The following PCNX2 variants were observed in gnomAD, a reference collection of about 807,000 sequenced individuals.
PCNX2 encodes the protein pecanex-like protein 2.
PCNX2 carries 168 observed loss-of-function variants against 223.8 expected under a neutral mutation model. The ratio of observed to expected loss-of-function variants is 0.75; its 90% CI spans 0.66 to 0.85. The LOEUF is 0.85. Among genes scored for constraint, PCNX2 ranks in the 40% least tolerant of loss-of-function variants. The pLI is 0.00. For missense variants in PCNX2, 2,507 were observed against 2,675.5 expected (o/e 0.94, Z 1.39); for synonymous variants, 1,006 against 1,052.6 (o/e 0.96, Z 0.86).
At position 233,095,926 on chromosome 1, in the gene PCNX2, G is replaced by A. The variant is rs141539698; in HGVS notation, c.3838-63C>T. 95 of 1,237,620 alleles carry A rather than the reference G, an allele frequency of 7.7e-5. No individual in the cohort carries two copies. In the East Asian group the frequency reaches 2.3e-3, roughly 31 times the overall value. 76.7% of individuals were successfully genotyped at this position (1,237,620 alleles called of 1,614,324 possible). A position where few individuals can be genotyped will look rare whatever the true frequency, so the allele number is the denominator to read the frequency against. ...ATGACAACAGTGGTAACTGCATCAA[G>A]GTCACTTAAAGGACATTTGTCAAGG... is the stretch of plus-strand genomic sequence containing the variant. On this transcript the variant is annotated intron_variant, in intron 21 of 33. Coordinates refer to ENST00000258229, the MANE Select transcript of PCNX2 (RefSeq NM_014801.4).
At chr1:233,150,235 G>C (rs1677716999) in intron 19 of PCNX2, among the ~76,000 whole-genome samples, 1 of 152,202 alleles carries the variant, frequency 6.6e-6, no homozygotes, top group Non-Finnish European at 1.5e-5. Flanking sequence ...AACAAAGTCT[G>C]AGGAGAAGCT....
chr1:233,190,593 C>A (rs114236527), intron 15 of PCNX2, among the ~76,000 whole-genome samples: 1,977 of 152,146 alleles, frequency 0.013, 21 homozygotes, highest in South Asian at 0.038. Flanking sequence ...TGCAAATGAT[C>A]GTTGTTCTAT....
At chr1:233,183,143 T>C (rs1460864141) in intron 15 of PCNX2, among the ~76,000 whole-genome samples, 1 of 152,186 alleles carries the variant, frequency 6.6e-6, no homozygotes, top group Non-Finnish European at 1.5e-5. Flanking sequence ...TTATCCATGT[T>C]AGAAAAGACA....
At chr1:233,178,341 CAA>C (rs1209474536) in intron 16 of PCNX2, among the ~76,000 whole-genome samples, 1 of 152,202 alleles carries the variant, frequency 6.6e-6, no homozygotes, top group Non-Finnish European at 1.5e-5. Context: ...CTCTGGTCTT[CAA>C]AGAGTTACGG....
At position 233,263,183 on chromosome 1, in the gene PCNX2, G is replaced by C; in HGVS notation, c.154-20C>G. 1 of 1,537,038 alleles carries C rather than the reference G, an allele frequency of 6.5e-7. No homozygotes were observed. The highest frequency in any genetic ancestry group is 8.8e-7 in the Non-Finnish European group (1 of 1,135,674). On this transcript the variant is annotated intron_variant, in intron 1 of 33. Coordinates refer to ENST00000258229, the MANE Select transcript of PCNX2 (RefSeq NM_014801.4). The stretch of plus-strand genomic sequence containing the variant: ...AAAAGCCTGAAGAAAGGAAAAGACA[G>C]AGAAAAATCATTTGCTTTTAAGATT...
At chr1:233,016,785 T>A in intron 27 of PCNX2, 136 bp downstream of exon 27, 2 of 1,427,358 alleles carry the variant, frequency 1.4e-6, no homozygotes, top group Non-Finnish European at 1.8e-6. Context: ...TCAATAAACA[T>A]CTGTCCAAAT....
At chr1:233,308,360 G>A in the PCNX2 span, among the ~76,000 whole-genome samples, 1 of 152,160 alleles carries the variant, frequency 6.6e-6, no homozygotes, top group East Asian at 1.9e-4. Flanking sequence ...TTGGAAGGCT[G>A]AGTCAGGAGA....
chr1:233,241,092 G>A (rs1658734787), intron 8 of PCNX2: 2 of 814,958 alleles, frequency 2.5e-6, no homozygotes, highest in African/African-American at 1.9e-5. Flanking sequence ...TCAACATGTA[G>A]GATGTTTAAC....
chr1:233,261,425 T>C, intron 3 of PCNX2, 104 bp from the exon 4 acceptor site: 1 of 1,036,094 alleles, frequency 9.7e-7, no homozygotes, highest in Non-Finnish European at 1.5e-6. Context: ...CTAAATGGCA[T>C]GTAGGGGAGA....
chr1:233,040,201 T>A (rs1671594921), intron 25 of PCNX2, among the ~76,000 whole-genome samples: 1 of 152,194 alleles, frequency 6.6e-6, no homozygotes, highest in African/African-American at 2.4e-5. Flanking sequence ...AGACGATTTC[T>A]GGAAAACAGA....
rs374242025 is a variant in PCNX2, at chr1:233,176,246, T to C, written c.3273+1556A>G. On this transcript the variant is annotated intron_variant, in intron 17 of 33. Coordinates refer to ENST00000258229, the MANE Select transcript of PCNX2 (RefSeq NM_014801.4). ...GTAAGTTGATACCAAAGAAACGACA[T>C]CTGCTAAAAGAACTTTTGAAGCTGT... Among the ~76,000 whole-genome samples the C allele has an allele frequency of 2.7e-4, 41 of 152,334 alleles. No homozygotes were observed. The South Asian group carries it at 8.3e-3, about 31-fold the overall frequency.
intron 23 of PCNX2, among the ~76,000 whole-genome samples, chr1:233,070,994 C>T (rs1672830568): frequency 6.6e-6 from 1 of 152,076 alleles, no homozygotes; most frequent in South Asian, 2.1e-4. Context: ...CGAGATCATG[C>T]CACTGCACTC....
chr1:233,226,113 G>A (rs968184544), intron 10 of PCNX2, among the ~76,000 whole-genome samples: 2 of 152,160 alleles, frequency 1.3e-5, no homozygotes, highest in Non-Finnish European at 2.9e-5. Flanking sequence ...ATTGCTTATG[G>A]CAGCATTAGT....
intron 10 of PCNX2, among the ~76,000 whole-genome samples, chr1:233,223,586 A>G (rs1657522122): frequency 6.6e-6 from 1 of 151,888 alleles, no homozygotes; most frequent in South Asian, 2.1e-4. Flanking sequence ...TGCATTAGCT[A>G]TTTGTCCGAA....
At chr1:233,010,434 C>A (rs1670426736) in intron 28 of PCNX2, among the ~76,000 whole-genome samples, 1 of 152,226 alleles carries the variant, frequency 6.6e-6, no homozygotes, top group Admixed American at 6.5e-5. Flanking sequence ...TACTCTGAGT[C>A]AGTAAATTTT....
At chr1:233,256,645 C>T (rs1002559120) in intron 5 of PCNX2, among the ~76,000 whole-genome samples, 64 of 152,268 alleles carry the variant, frequency 4.2e-4, no homozygotes, top group African/African-American at 1.5e-3. Context: ...CACTGGCTAC[C>T]ATATTGGACT....
intron 9 of PCNX2, chr1:233,232,769 A>G: frequency 1.0e-6 from 1 of 976,346 alleles, no homozygotes; most frequent in African/African-American, 1.8e-5. Flanking sequence ...ACCTAGAATA[A>G]CAGTCAGCCA....
At chr1:233,030,571 C>G (rs914440025) in intron 25 of PCNX2, among the ~76,000 whole-genome samples, 2 of 152,176 alleles carry the variant, frequency 1.3e-5, no homozygotes, top group Non-Finnish European at 1.5e-5. Flanking sequence ...GTTAATTTAT[C>G]TGCCCATCAG....
chr1:233,046,795 T>A (rs1027527626), intron 25 of PCNX2, among the ~76,000 whole-genome samples: 9 of 152,092 alleles, frequency 5.9e-5, no homozygotes, highest in African/African-American at 2.2e-4. Context: ...ATTCAAGGAG[T>A]CTGGTATGTT....
Sources: allele counts gnomAD v4.1 joint callset (sites outside exome capture counted in the v4.1 genomes callset), GRCh38; gene constraint gnomAD v4.1.1; transcripts MANE v1.5; gene names NCBI Gene and HGNC (gene_info 2026-07-23, HGNC 2026-07-21).